Variants in RIN3 observed in about 807,000 individuals in gnomAD.
RIN3 encodes Ras and Rab interactor 3, also known as RAB5 interacting protein 3.
RIN3 carries 54 observed loss-of-function variants against 76.3 expected under a neutral mutation model. The observed-to-expected ratio is 0.71, with a 90% CI of 0.57 to 0.89. The LOEUF (loss-of-function observed/expected upper bound fraction) is 0.89. Ranked by LOEUF, RIN3 falls within the 40% of genes least tolerant of loss-of-function variation. The pLI is 0.00. For synonymous variants in RIN3, 576 were observed against 564.0 expected (o/e 1.02, Z -0.30); for missense variants, 1,256 against 1,322.1 (o/e 0.95, Z 0.78).
intron 2 of RIN3, among the ~76,000 whole-genome samples, chr14:92,571,988 G>A (rs1371382996): frequency 6.6e-6 from 1 of 152,186 alleles, no homozygotes; most frequent in African/African-American, 2.4e-5. Context: ...GTGAGAGACC[G>A]AGGCAAGTTT....
intron 3 of RIN3, among the ~76,000 whole-genome samples, chr14:92,581,172 G>A (rs1410737045): frequency 6.6e-6 from 1 of 152,154 alleles, no homozygotes; most frequent in Non-Finnish European, 1.5e-5. Flanking sequence ...CTTCTCATTT[G>A]GCCAGGGCCA....
chr14:92,659,035 T>G, intron 6 of RIN3, 126 bp from the exon 7 acceptor site: 1 of 854,564 alleles, frequency 1.2e-6, no homozygotes, highest in East Asian at 2.4e-5. Context: ...AGGGTATAAC[T>G]GCTGGGGCTG....
At position 92,688,259 on chromosome 14, in the gene RIN3, C is replaced by T. The variant is rs755770018; in HGVS notation, c.*7C>T. The T allele has an allele frequency of 6.4e-6, 10 of 1,564,200 alleles. No individual in the cohort carries two copies. In the South Asian group the frequency reaches 1.0e-4, roughly 16 times the overall value. ...GGAGCCCAACTTCCTGTGAGGCCCT[C>T]CCGGGGCGCCTCCCCTCACCCCCAG... is the stretch of plus-strand genomic sequence containing the variant. On this transcript the variant is annotated 3_prime_UTR_variant, in exon 10 of 10. Transcript: ENST00000216487.
intron 3 of RIN3, among the ~76,000 whole-genome samples, chr14:92,578,656 T>G (rs1898336598): frequency 6.6e-6 from 1 of 152,140 alleles, no homozygotes; most frequent in Non-Finnish European, 1.5e-5. Flanking sequence ...GGAGGGGGAA[T>G]GCTGATTGGT....
chr14:92,513,930 G>C lies in RIN3; in HGVS notation c.-3G>C. 1 of 1,248,688 alleles carries C rather than the reference G, an allele frequency of 8.0e-7. No individual in the cohort carries two copies. Among genetic ancestry groups the C allele is most frequent in the Non-Finnish European group, 1.0e-6 (1 of 996,660 alleles). The allele number at this position is 1,248,688 out of a possible 1,614,324, so 77.4% of individuals were successfully genotyped here. On this transcript the variant is annotated 5_prime_UTR_variant, in exon 1 of 10. Transcript: ENST00000216487. ...CGTTCCCCGTCCCGGAGCTGCCGGC[G>C]GCATGATCCGACACGCCGGGGCGCC...
At chr14:92,631,283 C>G (rs1886571642) in intron 4 of RIN3, among the ~76,000 whole-genome samples, 1 of 152,194 alleles carries the variant, frequency 6.6e-6, no homozygotes, top group African/African-American at 2.4e-5. Flanking sequence ...CATGGCAGCC[C>G]CCAGAGGGCC....
intron 4 of RIN3, among the ~76,000 whole-genome samples, chr14:92,629,650 T>C (rs1411060378): frequency 1.3e-5 from 2 of 152,262 alleles, no homozygotes; most frequent in African/African-American, 4.8e-5. Context: ...TGCTAACAGC[T>C]GCTGCCTCTT....
Position 92,514,382 on chromosome 14 carries a change from C to T in RIN3, c.44+406C>T, listed in dbSNP as rs973695097. On this transcript the variant is annotated intron_variant, in intron 1 of 9. Coordinates refer to ENST00000216487, the MANE Select transcript of RIN3 (RefSeq NM_024832.5). The surrounding 1 kb of genome is among the most constrained non-coding windows in gnomAD (Gnocchi z 7.2). ...CCCAGCCCCGCCAGCCTGCTGCACCCGCTGCTCTGCGAGTCGCAGCGCGCG... is the reference window on the plus strand; with the variant it reads ...CCCAGCCCCGCCAGCCTGCTGCACCTGCTGCTCTGCGAGTCGCAGCGCGCG... Among the ~76,000 whole-genome samples the T allele has an allele frequency of 1.3e-5, 2 of 152,234 alleles. No homozygotes were observed. Among genetic ancestry groups the T allele is most frequent in the African/African-American group, 4.8e-5 (2 of 41,460 alleles).
intron 1 of RIN3, among the ~76,000 whole-genome samples, chr14:92,547,929 C>T (rs1021754055): frequency 2.0e-5 from 3 of 152,172 alleles, no homozygotes; most frequent in African/African-American, 7.2e-5. Context: ...GTCTCAAACT[C>T]CTGACCTCAG....
rs754086962 is a variant in RIN3 at position 92,623,918 on chromosome 14, G to T, written c.440+8439G>T. ...CGGGGGCTCACCCTCAAGGTGTTGA[G>T]TTTCAGGGAATAGCACAGAGAGAGT... On this transcript the variant is annotated intron_variant, in intron 4 of 9. Transcript: ENST00000216487. This position sits in a 1 kb window ranked among gnomAD's most constrained non-coding sequence, Gnocchi z 4.9. Among the ~76,000 whole-genome samples, 2 of 152,248 alleles carry T rather than the reference G, an allele frequency of 1.3e-5. No homozygotes were observed. The highest frequency in any genetic ancestry group is 2.9e-5 in the Non-Finnish European group (2 of 68,042).
chr14:92,545,106 GTTTTTTT>G (rs540126016), intron 1 of RIN3, among the ~76,000 whole-genome samples: 1 of 82,160 alleles, frequency 1.2e-5, no homozygotes, highest in Non-Finnish European at 2.2e-5. Context: ...ACTTTCTGGT[GTTTTTTT>G]TTTTTTTTTT....
At chr14:92,586,793 G>T (rs144304309) in intron 3 of RIN3, among the ~76,000 whole-genome samples, 1 of 152,154 alleles carries the variant, frequency 6.6e-6, no homozygotes, top group African/African-American at 2.4e-5. Flanking sequence ...AATACAAGTC[G>T]TTCGAACTGT....
In RIN3 at chr14:92,643,984, G is replaced by A. The variant is rs138929916; in HGVS notation, c.532+2655G>A. ...AGCTCCGCTGGGAACCTTGTGTAAA[G>A]TGCCCCAGACAAGATTTGCACCAAA... is the stretch of plus-strand genomic sequence containing the variant. On this transcript the variant is annotated intron_variant, in intron 5 of 9. Coordinates refer to ENST00000216487, the MANE Select transcript of RIN3 (RefSeq NM_024832.5). The surrounding 1 kb of genome is among the most constrained non-coding windows in gnomAD (Gnocchi z 4.8). 4.1e-3 allele frequency among the ~76,000 whole-genome samples: 620 copies of A among 152,188 alleles called. 4 individuals carry two copies. Among genetic ancestry groups the A allele is most frequent in the Non-Finnish European group, 6.2e-3 (420 of 68,012 alleles).
At chr14:92,592,012 T>G (rs1187433077) in intron 3 of RIN3, among the ~76,000 whole-genome samples, 1 of 152,252 alleles carries the variant, frequency 6.6e-6, no homozygotes, top group Non-Finnish European at 1.5e-5. Flanking sequence ...CTATTACTTA[T>G]GCTTATGTGT....
intron 2 of RIN3, among the ~76,000 whole-genome samples, chr14:92,565,285 G>A (rs1429744221): frequency 2.0e-5 from 3 of 152,116 alleles, no homozygotes; most frequent in East Asian, 1.9e-4. Context: ...TGTGACATTC[G>A]TTCTCAGGGC....
At chr14:92,600,910 A>G (rs1885320799) in intron 3 of RIN3, among the ~76,000 whole-genome samples, 1 of 152,134 alleles carries the variant, frequency 6.6e-6, no homozygotes, top group South Asian at 2.1e-4. Context: ...TTTACATATC[A>G]CCAAATGTCC....
chr14:92,595,804 A>G (rs934840762), intron 3 of RIN3, among the ~76,000 whole-genome samples: 1 of 152,166 alleles, frequency 6.6e-6, no homozygotes, highest in Non-Finnish European at 1.5e-5. Context: ...CTAACCCCAG[A>G]TGTCCCAAGC....
Position 92,685,782 on chromosome 14 carries a change from A to G in RIN3, c.2631+632A>G, listed in dbSNP as rs1459874931. 6 of 149,512 alleles carry G rather than the reference A, an allele frequency of 4.0e-5. No homozygotes were observed. In the East Asian group the frequency reaches 1.2e-3, roughly 30 times the overall value. The allele number at this position is 149,512 out of a possible 1,614,324, so 9.3% of individuals were successfully genotyped here. A position where few individuals can be genotyped will look rare whatever the true frequency, so the allele number is the denominator to read the frequency against. ...CTCACTGGTCAATCTCCCCTTCTTC[A>G]CTGGCTGTCACTGCCCATCCTTTAA... On this transcript the variant is annotated intron_variant, in intron 9 of 9. Coordinates refer to ENST00000216487, the MANE Select transcript of RIN3 (RefSeq NM_024832.5). The surrounding 1 kb of genome is among the most constrained non-coding windows in gnomAD (Gnocchi z 4.7).
chr14:92,551,903 AT>A (rs1218687595), intron 1 of RIN3, among the ~76,000 whole-genome samples: 14 of 152,140 alleles, frequency 9.2e-5, no homozygotes, highest in African/African-American at 3.4e-4. Context: ...TTTTTCTTTT[AT>A]GATCATTGCT....
Sources: allele counts gnomAD v4.1 joint callset (sites outside exome capture counted in the v4.1 genomes callset), GRCh38; gene constraint gnomAD v4.1.1; non-coding constraint Gnocchi (gnomAD v3.1); transcripts MANE v1.5; gene names NCBI Gene and HGNC (gene_info 2026-07-23, HGNC 2026-07-21).